ARHGAP29: variants seen among roughly 807,000 people sequenced by gnomAD.
ARHGAP29 encodes Rho GTPase activating protein 29.
In ARHGAP29, 43 loss-of-function variants were observed where a neutral mutation model predicts 122.6. That is an observed-to-expected ratio of 0.35 (90% CI 0.27 to 0.45). The LOEUF is 0.45. ARHGAP29 is among the 20% of genes least tolerant of loss of function. The pLI is 1.00. For missense variants in ARHGAP29, 1,303 were observed against 1,477.2 expected (o/e 0.88, Z 1.93); for synonymous variants, 506 against 497.1 (o/e 1.02, Z -0.24).
intron 2 of ARHGAP29, among the ~76,000 whole-genome samples, chr1:94,231,077 A>C (rs1652894373): frequency 6.6e-6 from 1 of 152,064 alleles, no homozygotes; most frequent in Non-Finnish European, 1.5e-5. Flanking sequence ...ATTTAAGACC[A>C]ATCAATGCAC....
intron 15 of ARHGAP29, among the ~76,000 whole-genome samples, chr1:94,187,117 C>T (rs1649854801): frequency 6.6e-6 from 1 of 152,130 alleles, no homozygotes; most frequent in Admixed American, 6.6e-5. Context: ...AACAACAGCC[C>T]AGAGATACTG....
At chr1:94,298,822 G>C in the ARHGAP29 span, among the ~76,000 whole-genome samples, 1 of 152,102 alleles carries the variant, frequency 6.6e-6, no homozygotes, top group African/African-American at 2.4e-5. Context: ...ATAAATTTAT[G>C]AAAACAAAAC....
chr1:94,234,301 T>A (rs1220845336), intron 1 of ARHGAP29, among the ~76,000 whole-genome samples: 3 of 152,216 alleles, frequency 2.0e-5, no homozygotes, highest in African/African-American at 7.2e-5. Flanking sequence ...TATAAACTTA[T>A]AAAGTTTCAA....
chr1:94,194,800 C>G (rs1322327039), intron 12 of ARHGAP29: 1 of 152,174 alleles, frequency 6.6e-6, no homozygotes, highest in Non-Finnish European at 1.5e-5. Context: ...TTGTGAGGTT[C>G]TAATGAGAAT....
At chr1:94,205,745 T>C in intron 5 of ARHGAP29, 62 bp from the exon 6 acceptor site, 14 of 1,504,706 alleles carry the variant, frequency 9.3e-6, no homozygotes, top group Non-Finnish European at 1.3e-5. Flanking sequence ...TGCTTCAGAA[T>C]TTTTTTGCCC....
At chr1:94,262,133 G>A (rs1654582508) in intron 1 of ARHGAP29, among the ~76,000 whole-genome samples, 2 of 152,052 alleles carry the variant, frequency 1.3e-5, no homozygotes, top group African/African-American at 4.8e-5. Flanking sequence ...GACAAAGCAA[G>A]CTGACAAAAA....
At chr1:94,175,378 T>C (rs1423816735) in intron 22 of ARHGAP29, among the ~76,000 whole-genome samples, 2 of 152,192 alleles carry the variant, frequency 1.3e-5, no homozygotes, top group African/African-American at 2.4e-5. Flanking sequence ...TTTTCTCACT[T>C]AGAAGCCTCA....
At chr1:94,267,526 C>T (rs1654817995) in intron 1 of ARHGAP29, among the ~76,000 whole-genome samples, 1 of 152,138 alleles carries the variant, frequency 6.6e-6, no homozygotes, top group Admixed American at 6.5e-5. Flanking sequence ...TAACACTGAG[C>T]ATATCTAATA....
At chr1:94,193,090 A>G (rs1439438270) in intron 12 of ARHGAP29, 1 of 152,190 alleles carries the variant, frequency 6.6e-6, no homozygotes, top group Non-Finnish European at 1.5e-5. Context: ...AAGAAGTCTC[A>G]GCAAAGAAAT....
chr1:94,305,467 G>A, the ARHGAP29 span, among the ~76,000 whole-genome samples: 7 of 152,208 alleles, frequency 4.6e-5, no homozygotes, highest in Non-Finnish European at 1.0e-4. Flanking sequence ...AGGAAACACA[G>A]GTAAGGACCA....
intron 8 of ARHGAP29, 79 bp from the exon 9 acceptor site, chr1:94,203,289 A>G: frequency 2.0e-6 from 2 of 982,438 alleles, no homozygotes; most frequent in South Asian, 1.9e-5. Context: ...CCTTCTTCAA[A>G]AAGGGAAACT....
the ARHGAP29 span, among the ~76,000 whole-genome samples, chr1:94,280,845 G>T: frequency 6.6e-6 from 1 of 152,138 alleles, no homozygotes; most frequent in African/African-American, 2.4e-5. Context: ...ACTATTACAT[G>T]GTCCACATAA....
chr1:94,187,087 A>ACTGC (rs1649851139), intron 15 of ARHGAP29, among the ~76,000 whole-genome samples: 1 of 152,178 alleles, frequency 6.6e-6, no homozygotes, highest in African/African-American at 2.4e-5. Flanking sequence ...TACTGGCAAG[A>ACTGC]CTGCCGACTG....
chr1:94,269,954 A>G (rs886853501), intron 1 of ARHGAP29, among the ~76,000 whole-genome samples: 3 of 152,208 alleles, frequency 2.0e-5, no homozygotes, highest in African/African-American at 4.8e-5. Flanking sequence ...AATTGAGATC[A>G]ACATACATGA....
intron 1 of ARHGAP29, among the ~76,000 whole-genome samples, chr1:94,235,241 C>T (rs1653182362): frequency 6.6e-6 from 1 of 152,120 alleles, no homozygotes; most frequent in Non-Finnish European, 1.5e-5. Context: ...AAACTTAACC[C>T]AAGCTTTCAT....
intron 1 of ARHGAP29, among the ~76,000 whole-genome samples, chr1:94,255,231 G>T (rs1654291218): frequency 6.6e-6 from 1 of 152,138 alleles, no homozygotes; most frequent in African/African-American, 2.4e-5. Flanking sequence ...AGGTGATTAG[G>T]ATGCCAACAC....
chr1:94,245,319 A>T (rs1406370071), intron 1 of ARHGAP29, among the ~76,000 whole-genome samples: 1 of 152,218 alleles, frequency 6.6e-6, no homozygotes, highest in Non-Finnish European at 1.5e-5. Context: ...TGATAGTCAA[A>T]AACAAAACAA....
rs773188078 is a variant in ARHGAP29 at position 94,189,368 on chromosome 1, T to C, written c.1440-16A>G. On this transcript the variant is annotated splice_polypyrimidine_tract_variant and intron_variant, in intron 13 of 22. Transcript: ENST00000260526. ...ATTTACATTTCTGAAACAACAACAA[T>C]GACAAAAAACAAAACTCAACACTCC... The C allele has an allele frequency of 2.5e-6, 4 of 1,592,232 alleles. No homozygotes were observed. In the Admixed American group the frequency reaches 5.4e-5, roughly 21 times the overall value.
Position 94,261,340 on chromosome 1 carries a change from T to C in ARHGAP29, c.-33+13672A>G, listed in dbSNP as rs553212779. Among the ~76,000 whole-genome samples the C allele has an allele frequency of 1.8e-4, 28 of 152,324 alleles. No individual in the cohort carries two copies. The South Asian group carries it at 4.1e-3, about 23-fold the overall frequency. On this transcript the variant is annotated intron_variant and NMD_transcript_variant, in intron 1 of 25. Coordinates refer to the ARHGAP29 transcript ENST00000552844. ...TCCATAATTGAACATAATGAAGTAATAAACACTTATTTGTGTTTACTATCA... is the reference window on the plus strand; with the variant it reads ...TCCATAATTGAACATAATGAAGTAACAAACACTTATTTGTGTTTACTATCA...
Sources: gnomAD v4.1 joint callset for allele counts (sites outside exome capture counted in the v4.1 genomes callset) on GRCh38, gnomAD v4.1.1 for gene constraint, MANE v1.5 for transcripts, NCBI Gene and HGNC (gene_info 2026-07-23, HGNC 2026-07-21) for gene names.